Variants in DHRS7B observed in about 807,000 individuals in gnomAD.
DHRS7B encodes the protein peroxisomal reductase activating PPAR-gamma.
DHRS7B carries 24 observed loss-of-function variants against 26.4 expected under a neutral mutation model. The observed-to-expected ratio is 0.91, with a 90% confidence interval of 0.66 to 1.28. The LOEUF is 1.28. DHRS7B is among the 50% of genes most tolerant of loss of function. The probability of loss-of-function intolerance (pLI) is 0.00; values close to 1 mark genes in which losing one functional copy is unlikely to be tolerated. For missense variants in DHRS7B, 368 were observed against 419.4 expected, an observed-to-expected ratio of 0.88 and a Z score of 1.07; for synonymous variants, 142 against 166.4, an observed-to-expected ratio of 0.85 and a Z score of 1.13.
intron 1 of DHRS7B, chr17:21,128,908 T>G (rs1276419822): frequency 6.9e-6 from 1 of 145,398 alleles, no homozygotes; most frequent in Non-Finnish European, 1.5e-5. Flanking sequence ...ACACCCTGTC[T>G]CAAACAACAA....
intron 3 of DHRS7B, among the ~76,000 whole-genome samples, chr17:21,181,821 TG>T (rs1167489907): frequency 2.4e-4 from 36 of 152,386 alleles, no homozygotes; most frequent in African/African-American, 7.7e-4. Flanking sequence ...TTGCTTAATT[TG>T]TTAATTAACT....
At chr17:21,162,164 A>G (rs995555321) in intron 1 of DHRS7B, among the ~76,000 whole-genome samples, 2 of 152,114 alleles carry the variant, frequency 1.3e-5, no homozygotes, top group Admixed American at 1.3e-4. Flanking sequence ...GTTAGAATTC[A>G]AAGTATTATG....
intron 1 of DHRS7B, among the ~76,000 whole-genome samples, chr17:21,162,122 C>G (rs1224727018): frequency 6.6e-6 from 1 of 151,684 alleles, no homozygotes; most frequent in Non-Finnish European, 1.5e-5. Context: ...GATGATTTAT[C>G]TAACTTTGTG....
At chr17:21,144,891 A>G (rs1973608254) in intron 1 of DHRS7B, among the ~76,000 whole-genome samples, 1 of 152,146 alleles carries the variant, frequency 6.6e-6, no homozygotes, top group South Asian at 2.1e-4. Flanking sequence ...ATGGGCTTCA[A>G]GAGTTTTGTA....
At position 21,137,986 on chromosome 17, in the gene DHRS7B, C is replaced by A. The variant is rs181891367; in HGVS notation, c.20+10995C>A. ...CGACCTCGTGATCTGCTTGCCTCAG[C>A]CTCCCATAGTTCTGGGATTACATAT... On this transcript the variant is annotated intron_variant, in intron 1 of 6. Coordinates refer to ENST00000395511, the MANE Select transcript of DHRS7B (RefSeq NM_015510.5). Among the ~76,000 whole-genome samples the A allele has an allele frequency of 2.5e-4, 38 of 150,406 alleles. 1 individual carries two copies. The East Asian group carries it at 6.5e-3, about 26-fold the overall frequency.
rs557877095 is a variant in DHRS7B at position 21,157,151 on chromosome 17, TACCAATTCTCTACAA to T, written c.21-14866_21-14852del. Among the ~76,000 whole-genome samples, 362 of 152,318 alleles carry T rather than the reference TACCAATTCTCTACAA, an allele frequency of 2.4e-3. 1 individual carries two copies. Among genetic ancestry groups the T allele is most frequent in the Non-Finnish European group, 3.7e-3 (252 of 68,026 alleles). On this transcript the variant is annotated intron_variant, in intron 1 of 6. Transcript: ENST00000395511. Reference sequence around the variant, plus strand: ...CTACCAAATAATTAAGAAAGAATTATACCAATTCTCTACAATCTCTCCCAGGAGGTAGAAGCAGAG... The same window carrying T: ...CTACCAAATAATTAAGAAAGAATTATTCTCTCCCAGGAGGTAGAAGCAGAG...
chr17:21,164,525 C>T (rs765482861), intron 1 of DHRS7B, among the ~76,000 whole-genome samples: 110 of 152,312 alleles, frequency 7.2e-4, no homozygotes, highest in Non-Finnish European at 1.1e-3. Context: ...ATTTAGGAGT[C>T]ACAAACCAGC....
chr17:21,168,920 G>A, intron 1 of DHRS7B: 1 of 985,344 alleles, frequency 1.0e-6, no homozygotes, highest in Non-Finnish European at 1.2e-6. Flanking sequence ...TTTTCTTCAT[G>A]TCATGGATTG....
intron 4 of DHRS7B, 88 bp downstream of exon 4, chr17:21,183,898 A>T: frequency 8.7e-7 from 1 of 1,151,898 alleles, no homozygotes; most frequent in African/African-American, 1.5e-5. Context: ...AACGTTCCCC[A>T]TCTCCATCCT....
At chr17:21,137,781 G>A (rs1385497081) in intron 1 of DHRS7B, among the ~76,000 whole-genome samples, 1 of 151,686 alleles carries the variant, frequency 6.6e-6, no homozygotes, top group Non-Finnish European at 1.5e-5. Flanking sequence ...TGTATTTTTA[G>A]TAGAGACGGC....
chr17:21,158,651 A>G (rs1973930331), intron 1 of DHRS7B, among the ~76,000 whole-genome samples: 1 of 152,216 alleles, frequency 6.6e-6, no homozygotes, highest in Non-Finnish European at 1.5e-5. Flanking sequence ...TGCAATCCCA[A>G]TCCAAATCCC....
chr17:21,144,177 A>C (rs1334869883), intron 1 of DHRS7B, among the ~76,000 whole-genome samples: 1 of 152,248 alleles, frequency 6.6e-6, no homozygotes, highest in African/African-American at 2.4e-5. Context: ...AGGACAGATC[A>C]TTCCAGCAGA....
At chr17:21,175,323 A>T (rs1389312976) in intron 2 of DHRS7B, among the ~76,000 whole-genome samples, 1 of 152,222 alleles carries the variant, frequency 6.6e-6, no homozygotes, top group African/African-American at 2.4e-5. Context: ...AGGCCTGTTC[A>T]GACCAGTACA....
At chr17:21,165,078 A>G (rs1974081526) in intron 1 of DHRS7B, among the ~76,000 whole-genome samples, 2 of 152,284 alleles carry the variant, frequency 1.3e-5, no homozygotes, top group South Asian at 4.1e-4. Context: ...GCATTTTCCT[A>G]TTGGAGCGAT....
chr17:21,178,110 C>A, intron 2 of DHRS7B, 123 bp from the exon 3 acceptor site: 2 of 889,128 alleles, frequency 2.2e-6, no homozygotes, highest in Non-Finnish European at 3.5e-6. Context: ...CATGCTGGGC[C>A]ACACAGCAGG....
At chr17:21,179,594 T>C (rs1974466790) in intron 3 of DHRS7B, among the ~76,000 whole-genome samples, 1 of 151,964 alleles carries the variant, frequency 6.6e-6, no homozygotes, top group South Asian at 2.1e-4. Context: ...AGCGAGACTC[T>C]GTCTCAAAAA....
Position 21,188,774 on chromosome 17 carries a change from A to G in DHRS7B, c.683A>G (p.Tyr228Cys), listed in dbSNP as rs751820251. 1.5e-5 allele frequency: 24 copies of G among 1,614,026 alleles called. No homozygotes were observed. Among genetic ancestry groups the G allele is most frequent in the South Asian group, 2.2e-5 (2 of 91,028 alleles). ...TGTCTGCGTGCCGAGATGGAACAGT[A>G]TGAAATTGAGGTGACCGTCATCAGC... ...FDCLRAEMEQ[Y>C]EIEVTVISPG... Residue 228 changes from tyrosine (Y) to cysteine (C), a missense_variant, in exon 6 of 7, where the codon TAT becomes TGT. By Grantham distance (194) the Tyr-to-Cys change is radical. Coordinates refer to ENST00000395511, the MANE Select transcript of DHRS7B (RefSeq NM_015510.5).
chr17:21,187,267 GCTATGATCCTATGATCATAGCT>G (rs1974658872), intron 5 of DHRS7B, among the ~76,000 whole-genome samples: 1 of 151,652 alleles, frequency 6.6e-6, no homozygotes, highest in Admixed American at 6.6e-5. Context: ...GCTGCAAGGA[GCTATGATCCTATGATCATAGCT>G]CTACTCCAGC....
At chr17:21,157,739 T>A (rs747396422) in intron 1 of DHRS7B, among the ~76,000 whole-genome samples, 1 of 151,988 alleles carries the variant, frequency 6.6e-6, no homozygotes, top group Non-Finnish European at 1.5e-5. Flanking sequence ...TGGTGGCTCA[T>A]TCCTGTAGTC....
Sources: gnomAD v4.1 joint callset for allele counts (sites outside exome capture counted in the v4.1 genomes callset) on GRCh38, gnomAD v4.1.1 for gene constraint, MANE v1.5 for transcripts, NCBI Gene and HGNC (gene_info 2026-07-23, HGNC 2026-07-21) for gene names.